The following DTX1 variants were observed in gnomAD, a reference collection of about 807,000 sequenced individuals.
DTX1 encodes the protein E3 ubiquitin-protein ligase DTX1.
In DTX1, 26 loss-of-function variants were observed where a neutral mutation model predicts 57.8. The observed-to-expected ratio is 0.45, with a 90% CI of 0.33 to 0.62. The LOEUF (loss-of-function observed/expected upper bound fraction) is 0.62, where lower values mean the gene tolerates loss of function less well. Among genes scored for constraint, DTX1 ranks in the 20% least tolerant of loss-of-function variants. DTX1 has a pLI of 0.02. For missense variants in DTX1, 704 were observed against 895.3 expected, an observed-to-expected ratio of 0.79 and a Z score of 2.73; for synonymous variants, 398 against 394.1, an observed-to-expected ratio of 1.01 and a Z score of -0.12.
chr12:113,086,162 GGA>G (rs763129140), intron 3 of DTX1, among the ~76,000 whole-genome samples: 39 of 152,186 alleles, frequency 2.6e-4, no homozygotes, highest in Non-Finnish European at 5.0e-4. Context: ...CAGCTACACA[GGA>G]GGCTGAGGTG....
At chr12:113,062,060 C>CACACAA (rs1250821140) in intron 2 of DTX1, among the ~76,000 whole-genome samples, 3 of 151,928 alleles carry the variant, frequency 2.0e-5, no homozygotes, top group Non-Finnish European at 4.4e-5. Flanking sequence ...CACACACACA[C>CACACAA]ACACACACAC....
rs548051683 is a variant in DTX1 at position 113,077,162 on chromosome 12, C to G, written c.260-262C>G. On this transcript the variant is annotated intron_variant, in intron 2 of 9. Transcript: ENST00000548759. The surrounding 1 kb of genome is among the most constrained non-coding windows in gnomAD (Gnocchi z 7.8). ...GCCCACCTCTCGCCCCAGTGCTATGCGCTGAACCTTTAGCCCCGGCCCCCC... is the reference window on the plus strand; with the variant it reads ...GCCCACCTCTCGCCCCAGTGCTATGGGCTGAACCTTTAGCCCCGGCCCCCC... Among the ~76,000 whole-genome samples, 256 of 152,226 alleles carry G rather than the reference C, an allele frequency of 1.7e-3. 1 individual carries two copies. The highest frequency in any genetic ancestry group is 5.5e-3 in the Admixed American group (84 of 15,304).
At chr12:113,090,703 T>TC (rs1685176888) in intron 3 of DTX1, among the ~76,000 whole-genome samples, 1 of 152,170 alleles carries the variant, frequency 6.6e-6, no homozygotes, top group African/African-American at 2.4e-5. Flanking sequence ...TCCACAGCCC[T>TC]CAGAGGGGTC....
chr12:113,077,502 ACGACGGCGGC>A lies in DTX1; in HGVS notation c.339_348del (p.Asn113LysfsTer30), dbSNP rs762925937. 1.9e-6 allele frequency: 3 copies of A among 1,611,600 alleles called. No homozygotes were observed. On this transcript the variant is annotated frameshift_variant, in exon 3 of 10. Coordinates refer to ENST00000548759, the MANE Select transcript of DTX1 (RefSeq NM_004416.3). LOFTEE classifies it high-confidence loss of function. The surrounding 1 kb of genome is among the most constrained non-coding windows in gnomAD (Gnocchi z 7.8). ...AAGGGCATCGTGTGGGAGTGGGAGAACGACGGCGGCGCATGGACGGCCTACGATATGGACA... is the reference window on the plus strand; with the variant it reads ...AAGGGCATCGTGTGGGAGTGGGAGAAGCATGGACGGCCTACGATATGGACA...
Position 113,093,285 on chromosome 12 carries a change from C to T in DTX1, c.1003+62C>T. 1 of 1,520,944 alleles carries T rather than the reference C, an allele frequency of 6.6e-7. No homozygotes were observed. Among genetic ancestry groups the T allele is most frequent in the Non-Finnish European group, 8.9e-7 (1 of 1,124,850 alleles). The allele number at this position is 1,520,944 out of a possible 1,614,324, so 94.2% of individuals were successfully genotyped here. A position where few individuals can be genotyped will look rare whatever the true frequency, so the allele number is the denominator to read the frequency against. Reference sequence around the variant, plus strand: ...CCCACTAGGAGGCAGCTCCGCCTGTCACCCGGTGACCCCGCCCCCGAGATG... The same window carrying T: ...CCCACTAGGAGGCAGCTCCGCCTGTTACCCGGTGACCCCGCCCCCGAGATG... On this transcript the variant is annotated intron_variant, in intron 4 of 9. Transcript: ENST00000548759. This position sits in a 1 kb window ranked among gnomAD's most constrained non-coding sequence, Gnocchi z 4.2.
chr12:113,084,231 CT>C (rs1229645998), intron 3 of DTX1, among the ~76,000 whole-genome samples: 1 of 152,246 alleles, frequency 6.6e-6, no homozygotes, highest in African/African-American at 2.4e-5. Context: ...GCCCTGTCCC[CT>C]GAGGGGTCAG....
At position 113,057,905 on chromosome 12, in the gene DTX1, C is replaced by T. The variant is rs2044639376; in HGVS notation, c.-288C>T. On this transcript the variant is annotated 5_prime_UTR_variant, in exon 2 of 10. Coordinates refer to ENST00000548759, the MANE Select transcript of DTX1 (RefSeq NM_004416.3). ...CCCTACCTGAGCCAGCCGAGGGGGC[C>T]AAGGACTTTAGAGCTGTTTCCTCCG... The T allele has an allele frequency of 2.2e-6, 1 of 447,436 alleles. No homozygotes were observed. Among genetic ancestry groups the T allele is most frequent in the Admixed American group, 4.1e-5 (1 of 24,564 alleles). The allele number at this position is 447,436 out of a possible 1,614,324, so 27.7% of individuals were successfully genotyped here. A position where few individuals can be genotyped will look rare whatever the true frequency, so the allele number is the denominator to read the frequency against.
intron 2 of DTX1, among the ~76,000 whole-genome samples, chr12:113,073,038 A>G (rs2044748026): frequency 6.6e-6 from 1 of 151,934 alleles, no homozygotes; most frequent in South Asian, 2.1e-4. Flanking sequence ...TGCTTGAATC[A>G]CTTCACTCTG....
chr12:113,088,131 G>A (rs1486486411), intron 3 of DTX1, among the ~76,000 whole-genome samples: 1 of 152,192 alleles, frequency 6.6e-6, no homozygotes, highest in Non-Finnish European at 1.5e-5. Context: ...GAAACTCCAG[G>A]ACCCAGTGCC....
At chr12:113,083,222 A>G (rs763641509) in intron 3 of DTX1, among the ~76,000 whole-genome samples, 4 of 152,216 alleles carry the variant, frequency 2.6e-5, no homozygotes, top group Non-Finnish European at 5.9e-5. Context: ...GTCTCTAAAT[A>G]CAGTCACATT....
chr12:113,073,933 T>G lies in DTX1; in HGVS notation c.260-3491T>G, dbSNP rs562401652. ...CGCAGCATAAAGAATGCATGCAGAT[T>G]AATACATCATGTCACAGCCTGGCGC... On this transcript the variant is annotated intron_variant, in intron 2 of 9. Transcript: ENST00000548759. Among the ~76,000 whole-genome samples, 6 of 152,224 alleles carry G rather than the reference T, an allele frequency of 3.9e-5. No homozygotes were observed. In the South Asian group the frequency reaches 1.0e-3, roughly 26 times the overall value.
In DTX1 at chr12:113,094,955, G is replaced by T. The variant is rs1265540154; in HGVS notation, c.1386+8G>T. ...TACTCCAATGGCAACAAGGTGGGTT[G>T]GGCGGGACAATGGCTGAGGAGTGGG... is the stretch of plus-strand genomic sequence containing the variant. On this transcript the variant is annotated splice_region_variant and intron_variant, in intron 7 of 9. Transcript: ENST00000548759. 2.5e-6 allele frequency: 4 copies of T among 1,611,158 alleles called. No homozygotes were observed. Among genetic ancestry groups the T allele is most frequent in the Non-Finnish European group, 3.4e-6 (4 of 1,177,744 alleles).
At chr12:113,072,704 T>TC (rs1245014869) in intron 2 of DTX1, among the ~76,000 whole-genome samples, 1 of 141,304 alleles carries the variant, frequency 7.1e-6, no homozygotes, top group Non-Finnish European at 1.5e-5. Flanking sequence ...TTCTTTTTTT[T>TC]TTTTTTTTTT....
chr12:113,066,826 G>A (rs1430714419), intron 2 of DTX1, among the ~76,000 whole-genome samples: 1 of 152,110 alleles, frequency 6.6e-6, no homozygotes, highest in Non-Finnish European at 1.5e-5. Flanking sequence ...TGTGATGCAG[G>A]AGGCCAGGCG....
rs117606358 is a variant in DTX1, at chr12:113,089,566, A to T, written c.942-3596A>T. ...TCCAGGCAGGAGGATGTTCTCACTG[A>T]CTCGGAGGAAACAGCGTGTCCCACA... is the stretch of plus-strand genomic sequence containing the variant. On this transcript the variant is annotated intron_variant, in intron 3 of 9. Coordinates refer to ENST00000548759, the MANE Select transcript of DTX1 (RefSeq NM_004416.3). Among the ~76,000 whole-genome samples, 1,446 of 152,088 alleles carry T rather than the reference A, an allele frequency of 9.5e-3. 9 individuals are homozygous for T. Among genetic ancestry groups the T allele is most frequent in the Middle Eastern group, 0.02 (6 of 294 alleles).
intron 3 of DTX1, among the ~76,000 whole-genome samples, chr12:113,086,979 T>G (rs1209525916): frequency 8.4e-6 from 1 of 118,790 alleles, no homozygotes; most frequent in Admixed American, 1.0e-4. Flanking sequence ...CCACACACAC[T>G]CCTGTCTGCA....
chr12:113,088,534 A>T (rs2246844), intron 3 of DTX1, among the ~76,000 whole-genome samples: 3 of 152,050 alleles, frequency 2.0e-5, no homozygotes, highest in Non-Finnish European at 4.4e-5. Context: ...GGCGCAGCAC[A>T]CCAGCATGGC....
chr12:113,086,892 G>A (rs1217046381), intron 3 of DTX1, among the ~76,000 whole-genome samples: 2 of 138,260 alleles, frequency 1.4e-5, no homozygotes, highest in Non-Finnish European at 3.0e-5. Context: ...CACCGCTGCT[G>A]CAAGGTCAAA....
In DTX1 at chr12:113,058,068, T is replaced by C. The variant is rs1235044107; in HGVS notation, c.-125T>C. On this transcript the variant is annotated 5_prime_UTR_variant, in exon 2 of 10. Transcript: ENST00000548759. ...CTAGGCCTCAGAGAGAACCCAGAGT[T>C]AGAAAGGAGGCCAGACGGTCCTTGC... 2 of 1,412,948 alleles carry C rather than the reference T, an allele frequency of 1.4e-6. No individual in the cohort carries two copies. Among genetic ancestry groups the C allele is most frequent in the African/African-American group, 2.9e-5 (2 of 69,218 alleles). The allele number at this position is 1,412,948 out of a possible 1,614,324, so 87.5% of individuals were successfully genotyped here.
Sources: gnomAD v4.1 joint callset for allele counts (sites outside exome capture counted in the v4.1 genomes callset) on GRCh38, gnomAD v4.1.1 for gene constraint, Gnocchi (gnomAD v3.1) non-coding constraint, MANE v1.5 for transcripts, NCBI Gene and HGNC (gene_info 2026-07-23, HGNC 2026-07-21) for gene names.